Variants in C19orf12 observed in about 807,000 individuals in gnomAD.
C19orf12 encodes the protein protein C19orf12.
C19orf12 carries 2 observed loss-of-function variants against 3.8 expected under a neutral mutation model. The observed-to-expected ratio is 0.53, with a 90% CI of 0.22 to 1.66. The LOEUF (loss-of-function observed/expected upper bound fraction) is 1.66. Ranked by LOEUF, C19orf12 falls within the 40% of genes most tolerant of loss-of-function variation. The pLI is 0.20. For synonymous variants in C19orf12, 89 were observed against 84.6 expected, an observed-to-expected ratio of 1.05 and a Z score of -0.28; for missense variants, 156 against 188.8, an observed-to-expected ratio of 0.83 and a Z score of 1.02.
intron 1 of C19orf12, among the ~76,000 whole-genome samples, chr19:29,710,015 G>T (rs942791113): frequency 2.0e-5 from 3 of 152,038 alleles, no homozygotes; most frequent in African/African-American, 7.2e-5. Context: ...GGGGCTAAAG[G>T]CATGCAACAC....
intron 1 of C19orf12, among the ~76,000 whole-genome samples, chr19:29,710,415 C>T (rs187926328): frequency 5.3e-5 from 8 of 152,218 alleles, no homozygotes; most frequent in East Asian, 1.9e-4. Context: ...CACAAGTGCA[C>T]GGGAATCACT....
intron 1 of C19orf12, chr19:29,714,829 C>A: frequency 6.5e-6 from 4 of 618,388 alleles, no homozygotes; most frequent in South Asian, 3.5e-5. Context: ...CACCCCCACC[C>A]ACCACACCCA....
chr19:29,713,101 AG>A, intron 1 of C19orf12, among the ~76,000 whole-genome samples: 1 of 152,220 alleles, frequency 6.6e-6, no homozygotes, highest in Admixed American at 6.5e-5. Flanking sequence ...CTTGCTAAAA[AG>A]CTCAGCTTCC....
At chr19:29,712,142 A>C (rs1972712763) in intron 1 of C19orf12, among the ~76,000 whole-genome samples, 1 of 152,182 alleles carries the variant, frequency 6.6e-6, no homozygotes, top group African/African-American at 2.4e-5. Flanking sequence ...ACGGTGGCTC[A>C]CGCTTGTAAT....
intron 2 of C19orf12, chr19:29,705,382 CTT>C (rs760126176): frequency 1.6e-5 from 5 of 309,686 alleles, no homozygotes; most frequent in South Asian, 1.1e-4. Flanking sequence ...AATGCGGTGT[CTT>C]AGACTGGATC....
chr19:29,705,386 G>C (rs778830317), intron 2 of C19orf12: 8 of 284,596 alleles, frequency 2.8e-5, no homozygotes, highest in Non-Finnish European at 4.5e-5. Context: ...CGGTGTCTTA[G>C]ACTGGATCCT....
At chr19:29,708,165 C>T in intron 2 of C19orf12, 89 bp downstream of exon 2, 1 of 1,566,604 alleles carries the variant, frequency 6.4e-7, no homozygotes, top group Non-Finnish European at 8.7e-7. Context: ...AGGCATGAGC[C>T]ACACTGTGCC....
Position 29,702,505 on chromosome 19 carries a change from A to T in C19orf12, c.*207T>A, listed in dbSNP as rs1398119278. 1 of 761,076 alleles carries T rather than the reference A, an allele frequency of 1.3e-6. No individual in the cohort carries two copies. Among genetic ancestry groups the T allele is most frequent in the Admixed American group, 2.0e-5 (1 of 49,914 alleles). 47.1% of individuals were successfully genotyped at this position (761,076 alleles called of 1,614,324 possible). ...GGGCTGTCATGGCAGGCCAGTGCACATGCCACCAACACATGCTGCTTCATC... is the reference window on the plus strand; with the variant it reads ...GGGCTGTCATGGCAGGCCAGTGCACTTGCCACCAACACATGCTGCTTCATC... On this transcript the variant is annotated 3_prime_UTR_variant, in exon 3 of 3. Coordinates refer to ENST00000323670, the MANE Select transcript of C19orf12 (RefSeq NM_031448.6).
chr19:29,701,108 T>C lies in C19orf12; in HGVS notation c.*1604A>G, dbSNP rs1175343832. 6.6e-6 allele frequency: 3 copies of C among 454,162 alleles called. No homozygotes were observed. The highest frequency in any genetic ancestry group is 3.1e-5 in the South Asian group (2 of 64,484). 28.1% of individuals were successfully genotyped at this position (454,162 alleles called of 1,614,324 possible). On this transcript the variant is annotated 3_prime_UTR_variant, in exon 3 of 3. Transcript: ENST00000323670. ...ATCTGGTACCTTCCCTCTTGTTCCA[T>C]TTGTAAGACTTTGAATATTAGAGAT...
chr19:29,702,878 C>T lies in C19orf12; in HGVS notation c.260G>A (p.Arg87Lys), dbSNP rs763136459. 1 of 1,614,190 alleles carries T rather than the reference C, an allele frequency of 6.2e-7. No individual in the cohort carries two copies. The highest frequency in any genetic ancestry group is 8.5e-7 in the Non-Finnish European group (1 of 1,180,026). Reference sequence around the variant, plus strand: ...GATGGCTGCGGCTTCGTTAAAGAGCCTCTGTTGCTCGGCAGGGGGCAGCTC... The same window carrying T: ...GATGGCTGCGGCTTCGTTAAAGAGCTTCTGTTGCTCGGCAGGGGGCAGCTC... ...LMELPPAEQQ[R>K]LFNEAAAIIR... Residue 87 changes from arginine to lysine, a missense_variant, in exon 3 of 3, where the codon AGG (arginine) becomes AAG (lysine). Physicochemically the swap from Arg to Lys is conservative, Grantham distance 26. Transcript: ENST00000323670.
At chr19:29,705,962 C>A (rs552018262) in intron 2 of C19orf12, among the ~76,000 whole-genome samples, 12 of 152,272 alleles carry the variant, frequency 7.9e-5, no homozygotes, top group Admixed American at 6.5e-4. Flanking sequence ...AAGTTTCTTT[C>A]AAAAATGCAA....
chr19:29,713,291 G>C (rs1972780397), intron 1 of C19orf12, among the ~76,000 whole-genome samples: 3 of 151,902 alleles, frequency 2.0e-5, no homozygotes, highest in African/African-American at 7.3e-5. Flanking sequence ...TTCACACTCA[G>C]ATTTATCCAC....
At position 29,708,261 on chromosome 19, in the gene C19orf12, G is replaced by C. The variant is rs1162512554; in HGVS notation, c.153C>G (p.Leu51=). The change falls in exon 2 of 3, where the codon CTC becomes CTG. Residue 51 remains leucine, a synonymous_variant. Coordinates refer to ENST00000323670, the MANE Select transcript of C19orf12 (RefSeq NM_031448.6). ...VGGLVGGPPG[L]AVGGAVGGLL... ...TGAGACACCTGCACTTACCAACGGC[G>C]AGTCCCGGTGGGCCGCCCACCAAAC... is the stretch of plus-strand genomic sequence containing the variant. 2 of 1,611,908 alleles carry C rather than the reference G, an allele frequency of 1.2e-6. No homozygotes were observed. The highest frequency in any genetic ancestry group is 1.7e-6 in the Non-Finnish European group (2 of 1,180,012).
intron 1 of C19orf12, among the ~76,000 whole-genome samples, chr19:29,711,315 TG>T (rs1387481687): frequency 6.6e-6 from 1 of 152,154 alleles, no homozygotes; most frequent in African/African-American, 2.4e-5. Flanking sequence ...GCTGGGATTA[TG>T]GGCGTGAGCC....
At chr19:29,715,589 C>T (rs1357782692), upstream of C19orf12, 5 of 211,866 alleles carry the variant, frequency 2.4e-5, 1 homozygote, top group South Asian at 1.3e-4. Flanking sequence ...GGGGACCTCC[C>T]GGAGACCTCC....
chr19:29,715,036 G>A (rs1295782684), intron 1 of C19orf12, 89 bp downstream of exon 1: 2 of 695,006 alleles, frequency 2.9e-6, no homozygotes, highest in Non-Finnish European at 5.3e-6. Flanking sequence ...AGGCACTCCC[G>A]GGTCTCCAGG....
Position 29,702,676 on chromosome 19 carries a change from A to ATT in C19orf12, c.*34_*35dup. ...GCCACCTCTTCAGAATCACAGAGTC[A>ATT]TTTAAAGGGGCCCCCCACCTCCCCG... On this transcript the variant is annotated 3_prime_UTR_variant, in exon 3 of 3. Coordinates refer to ENST00000323670, the MANE Select transcript of C19orf12 (RefSeq NM_031448.6). 6.2e-7 allele frequency: 1 copy of ATT among 1,611,796 alleles called. No homozygotes were observed.
At chr19:29,712,964 C>G (rs909330748) in intron 1 of C19orf12, among the ~76,000 whole-genome samples, 13 of 152,202 alleles carry the variant, frequency 8.5e-5, no homozygotes, top group African/African-American at 2.9e-4. Flanking sequence ...TAGTCCAGCA[C>G]CACGGGTAGA....
At chr19:29,708,769 G>T in intron 1 of C19orf12, 1 of 373,414 alleles carries the variant, frequency 2.7e-6, no homozygotes. Flanking sequence ...AGTGGCCTTT[G>T]CACTGGCCCG....
Sources: allele counts gnomAD v4.1 joint callset (sites outside exome capture counted in the v4.1 genomes callset), GRCh38; gene constraint gnomAD v4.1.1; transcripts MANE v1.5; gene names NCBI Gene and HGNC (gene_info 2026-07-23, HGNC 2026-07-21).